The following ZRANB2 variants were observed in gnomAD, a reference collection of about 807,000 sequenced individuals.
ZRANB2 encodes the protein zinc finger Ran-binding domain-containing protein 2.
ZRANB2 carries 19 observed loss-of-function variants against 53.4 expected under a neutral mutation model. The observed-to-expected ratio is 0.36, with a 90% CI of 0.25 to 0.52. The LOEUF (loss-of-function observed/expected upper bound fraction) is 0.52. Among genes scored for constraint, ZRANB2 ranks in the 20% least tolerant of loss-of-function variants. The probability of loss-of-function intolerance (pLI) is 0.93; values close to 1 mark genes in which losing one functional copy is unlikely to be tolerated. For missense variants in ZRANB2, 309 were observed against 401.1 expected (o/e 0.77, Z 1.96); for synonymous variants, 145 against 134.8 (o/e 1.08, Z -0.52).
intron 9 of ZRANB2, 110 bp downstream of exon 9, chr1:71,066,666 A>G (rs1486157536): frequency 1.8e-5 from 21 of 1,162,484 alleles, no homozygotes; most frequent in Non-Finnish European, 2.3e-5. Flanking sequence ...TGAAAAGTAG[A>G]AAGTCGGAAC....
chr1:71,079,579 T>C (rs1037331563), intron 1 of ZRANB2, among the ~76,000 whole-genome samples: 1 of 152,224 alleles, frequency 6.6e-6, no homozygotes, highest in African/African-American at 2.4e-5. Context: ...CCTAAAAATA[T>C]TCCTTTTAAC....
At chr1:71,071,793 T>C (rs1661599245) in intron 6 of ZRANB2, among the ~76,000 whole-genome samples, 1 of 152,148 alleles carries the variant, frequency 6.6e-6, no homozygotes, top group Admixed American at 6.6e-5. Context: ...TTAGACATTA[T>C]CCATCGGCAA....
intron 7 of ZRANB2, 86 bp from the exon 8 acceptor site, chr1:71,069,448 G>C (rs1373057004): frequency 1.1e-6 from 1 of 919,090 alleles, no homozygotes; most frequent in Non-Finnish European, 1.7e-6. Context: ...ATATGTATTA[G>C]AGTTCATTTT....
rs1661423869 is a variant in ZRANB2, at chr1:71,066,009, C to T, written c.929+767G>A. The T allele has an allele frequency of 1.2e-5, 4 of 325,660 alleles. No homozygotes were observed. In the Admixed American group the frequency reaches 1.5e-4, roughly 12 times the overall value. The allele number at this position is 325,660 out of a possible 1,614,324, so 20.2% of individuals were successfully genotyped here. On this transcript the variant is annotated intron_variant, in intron 9 of 9. Coordinates refer to ENST00000370920, the MANE Select transcript of ZRANB2 (RefSeq NM_203350.3). ...TAGGAATCATGAGATAATCCTACCA[C>T]TGAACCCAGCAATTAATAGACTTTA...
chr1:71,067,676 C>G (rs768359166), intron 8 of ZRANB2: 1 of 435,170 alleles, frequency 2.3e-6, no homozygotes, highest in Middle Eastern at 4.7e-4. Flanking sequence ...AAAATAAAAC[C>G]AGAAAGCCCA....
chr1:71,067,611 T>C (rs1661477977), intron 8 of ZRANB2: 1 of 427,018 alleles, frequency 2.3e-6, no homozygotes, highest in Middle Eastern at 7.7e-4. Context: ...TTCACTTGTA[T>C]ATTTTGGTTG....
chr1:71,073,430 T>C (rs1573057384), intron 4 of ZRANB2, among the ~76,000 whole-genome samples: 1 of 151,996 alleles, frequency 6.6e-6, no homozygotes, highest in South Asian at 2.1e-4. Context: ...AGGGACTTCA[T>C]TCATCAGCAA....
chr1:71,066,681 G>A lies in ZRANB2; in HGVS notation c.929+95C>T. 5.3e-6 allele frequency: 7 copies of A among 1,313,112 alleles called. No homozygotes were observed. The South Asian group carries it at 8.7e-5, about 16-fold the overall frequency. 81.3% of individuals were successfully genotyped at this position (1,313,112 alleles called of 1,614,324 possible). A position where few individuals can be genotyped will look rare whatever the true frequency, so the allele number is the denominator to read the frequency against. ...TGAAAAGTAGAAAGTCGGAACACAAGAGATAATAAAAATCTAACCCTTGAC... is the reference window on the plus strand; with the variant it reads ...TGAAAAGTAGAAAGTCGGAACACAAAAGATAATAAAAATCTAACCCTTGAC... On this transcript the variant is annotated intron_variant, in intron 9 of 9. Coordinates refer to ENST00000370920, the MANE Select transcript of ZRANB2 (RefSeq NM_203350.3).
At position 71,080,943 on chromosome 1, in the gene ZRANB2, T is replaced by G. The variant is rs1353874906; in HGVS notation, c.53A>C (p.Lys18Thr). The part of the protein sequence containing the change: ...VSDGDWICPD[K>T]KCGNVNFARR... ...TCAGGACCCTTCTTGAACTCACTTT[T>G]TGTCAGGGCAAATCCAGTCCCCGTC... is the stretch of plus-strand genomic sequence containing the variant. Residue 18 changes from lysine to threonine, a missense_variant, in exon 1 of 10, where the codon AAA (lysine) becomes ACA (threonine). Transcript: ENST00000370920. 6.2e-7 allele frequency: 1 copy of G among 1,614,152 alleles called. No individual in the cohort carries two copies. Among genetic ancestry groups the G allele is most frequent in the Non-Finnish European group, 8.5e-7 (1 of 1,180,028 alleles).
chr1:71,074,808 T>A lies in ZRANB2; in HGVS notation c.301+1987A>T, dbSNP rs80163387. Among the ~76,000 whole-genome samples the A allele has an allele frequency of 3.5e-3, 530 of 152,300 alleles. 4 individuals carry two copies. The highest frequency in any genetic ancestry group is 0.011 in the African/African-American group (458 of 41,558). On this transcript the variant is annotated intron_variant, in intron 4 of 9. Transcript: ENST00000370920. ...ATCACATTCTCTTTTATTCATATCCTGTCTCATGCTTAGGAAATGCTCCCC... is the reference window on the plus strand; with the variant it reads ...ATCACATTCTCTTTTATTCATATCCAGTCTCATGCTTAGGAAATGCTCCCC...
intron 4 of ZRANB2, among the ~76,000 whole-genome samples, chr1:71,073,022 A>G (rs78105162): frequency 0.057 from 8,745 of 152,128 alleles, 351 homozygotes; most frequent in Middle Eastern, 0.11. Context: ...GAAAATTCCT[A>G]ATTACACAGA....
chr1:71,070,686 A>G lies in ZRANB2; in HGVS notation c.683+141T>C, dbSNP rs1282835142. The G allele has an allele frequency of 4.3e-5, 24 of 553,474 alleles. No homozygotes were observed. In the South Asian group the frequency reaches 4.4e-4, roughly 10 times the overall value. The allele number at this position is 553,474 out of a possible 1,614,324, so 34.3% of individuals were successfully genotyped here. A position where few individuals can be genotyped will look rare whatever the true frequency, so the allele number is the denominator to read the frequency against. On this transcript the variant is annotated intron_variant, in intron 7 of 9. Coordinates refer to ENST00000370920, the MANE Select transcript of ZRANB2 (RefSeq NM_203350.3). ...AACAACTGTATGGTACTAAGCTGAA[A>G]AATTATTTTAAAAGTTGATTTGAAT... is the stretch of plus-strand genomic sequence containing the variant.
intron 1 of ZRANB2, among the ~76,000 whole-genome samples, chr1:71,080,570 G>A (rs1417860627): frequency 6.9e-6 from 1 of 144,162 alleles, no homozygotes; most frequent in Non-Finnish European, 1.5e-5. Flanking sequence ...AAGTTCTGCA[G>A]AGAAAAGTCA....
intron 7 of ZRANB2, 49 bp downstream of exon 7, chr1:71,070,778 T>TAAATAAAAAAAAAA: frequency 8.9e-7 from 1 of 1,120,784 alleles, no homozygotes; most frequent in Non-Finnish European, 1.2e-6. Flanking sequence ...ATAAAAAAGT[T>TAAATAAAAAAAAAA]AGATACTGAC....
chr1:71,080,102 T>A (rs1292311826), intron 1 of ZRANB2, among the ~76,000 whole-genome samples: 3 of 152,224 alleles, frequency 2.0e-5, no homozygotes, highest in Non-Finnish European at 2.9e-5. Flanking sequence ...AAAACCTATT[T>A]GTGGCTAACT....
Position 71,063,697 on chromosome 1 carries a change from A to G in ZRANB2, c.*1377T>C, listed in dbSNP as rs1446992142. 6.6e-6 allele frequency: 1 copy of G among 152,414 alleles called. No homozygotes were observed. The highest frequency in any genetic ancestry group is 2.4e-5 in the African/African-American group (1 of 41,426). 9.4% of individuals were successfully genotyped at this position (152,414 alleles called of 1,614,324 possible). Reference sequence around the variant, plus strand: ...AAAGCTCACTGTAAAAATATTATCAAAATATTTCTACATAAGATATCTTGC... The same window carrying G: ...AAAGCTCACTGTAAAAATATTATCAGAATATTTCTACATAAGATATCTTGC... On this transcript the variant is annotated 3_prime_UTR_variant, in exon 10 of 10. Transcript: ENST00000370920.
At chr1:71,072,277 A>G (rs1164505131) in intron 5 of ZRANB2, 22 bp from the exon 6 acceptor site, 1 of 1,598,932 alleles carries the variant, frequency 6.3e-7, no homozygotes, top group Admixed American at 1.8e-5. Context: ...CAATTTCAAA[A>G]TGCTTGTCAG....
chr1:71,067,718 T>G (rs1455970218), intron 8 of ZRANB2: 1 of 421,202 alleles, frequency 2.4e-6, no homozygotes, highest in Non-Finnish European at 4.7e-6. Flanking sequence ...TTACAAGCAA[T>G]GAAAAAATGT....
intron 8 of ZRANB2, 113 bp downstream of exon 8, chr1:71,069,163 C>G (rs993320833): frequency 5.0e-6 from 4 of 798,828 alleles, no homozygotes; most frequent in Non-Finnish European, 5.8e-6. Flanking sequence ...TTTTCTAATG[C>G]TAAAATAAAA....
Sources: gnomAD v4.1 joint callset for allele counts (sites outside exome capture counted in the v4.1 genomes callset) on GRCh38, gnomAD v4.1.1 for gene constraint, MANE v1.5 for transcripts, NCBI Gene and HGNC (gene_info 2026-07-23, HGNC 2026-07-21) for gene names.